The following TNS3 variants were observed in gnomAD, a reference collection of about 807,000 sequenced individuals.
The protein encoded by TNS3 is tensin-3.
Under a neutral mutation model 140.9 loss-of-function variants are expected in TNS3, and 45 were observed. That is an observed-to-expected ratio of 0.32 (90% CI 0.25 to 0.41). The LOEUF (loss-of-function observed/expected upper bound fraction) is 0.41, where lower values mean the gene tolerates loss of function less well. Among genes scored for constraint, TNS3 ranks in the 10% least tolerant of loss-of-function variants. The probability of loss-of-function intolerance (pLI) is 1.00; values close to 1 mark genes in which losing one functional copy is unlikely to be tolerated. For missense variants in TNS3, 1,716 were observed against 1,906.7 expected, an observed-to-expected ratio of 0.90 and a Z score of 1.86; for synonymous variants, 815 against 788.4, an observed-to-expected ratio of 1.03 and a Z score of -0.56.
At chr7:47,284,327 T>C (rs1388476240) in intron 27 of TNS3, among the ~76,000 whole-genome samples, 1 of 152,050 alleles carries the variant, frequency 6.6e-6, no homozygotes. Context: ...GAAGCATGTG[T>C]CCTCAAATCC....
intron 4 of TNS3, among the ~76,000 whole-genome samples, chr7:47,454,369 G>C (rs192371085): frequency 6.6e-6 from 1 of 152,134 alleles, no homozygotes; most frequent in African/African-American, 2.4e-5. Context: ...CATCAGACCC[G>C]GAGACACTAA....
At chr7:47,358,373 G>A (rs1023867065) in intron 17 of TNS3, among the ~76,000 whole-genome samples, 5 of 152,126 alleles carry the variant, frequency 3.3e-5, no homozygotes, top group South Asian at 2.1e-4. Flanking sequence ...TCCTGACCTC[G>A]TGATCCACCC....
chr7:47,325,322 C>A (rs1221918767), intron 20 of TNS3, among the ~76,000 whole-genome samples: 2 of 152,168 alleles, frequency 1.3e-5, no homozygotes, highest in Non-Finnish European at 2.9e-5. Context: ...TCTTCCACTC[C>A]ACGTTTGTAA....
At chr7:47,541,278 T>C (rs752873655) in intron 1 of TNS3, among the ~76,000 whole-genome samples, 1 of 152,130 alleles carries the variant, frequency 6.6e-6, no homozygotes, top group African/African-American at 2.4e-5. Context: ...GATATTGGTG[T>C]GACTCAGAGT....
At chr7:47,535,709 C>G (rs895266496) in intron 1 of TNS3, among the ~76,000 whole-genome samples, 1 of 152,234 alleles carries the variant, frequency 6.6e-6, no homozygotes, top group Non-Finnish European at 1.5e-5. Context: ...ATTGTGAGGT[C>G]TCTTTTGAGA....
intron 28 of TNS3, among the ~76,000 whole-genome samples, chr7:47,281,369 ACT>A (rs1785137213): frequency 6.6e-6 from 1 of 151,704 alleles, no homozygotes; most frequent in Non-Finnish European, 1.5e-5. Context: ...CCAACTCAAC[ACT>A]CTGCTGTGTC....
chr7:47,549,436 A>T (rs1367117040), intron 1 of TNS3, among the ~76,000 whole-genome samples: 1 of 152,076 alleles, frequency 6.6e-6, no homozygotes, highest in Non-Finnish European at 1.5e-5. Context: ...CGGAGGTTGC[A>T]GTGAGCTGAG....
At chr7:47,449,750 C>T (rs62446326) in intron 4 of TNS3, among the ~76,000 whole-genome samples, 9,303 of 152,190 alleles carry the variant, frequency 0.061, 349 homozygotes, top group Non-Finnish European at 0.088. Flanking sequence ...GGATTACAGG[C>T]GCCCGCCACC....
At chr7:47,540,824 G>A (rs1236492637) in intron 1 of TNS3, among the ~76,000 whole-genome samples, 1 of 152,218 alleles carries the variant, frequency 6.6e-6, no homozygotes, top group East Asian at 1.9e-4. Context: ...GACACTGAGG[G>A]TAGACAGGGC....
At chr7:47,473,346 C>A (rs1181646934) in intron 4 of TNS3, among the ~76,000 whole-genome samples, 2 of 152,144 alleles carry the variant, frequency 1.3e-5, no homozygotes, top group East Asian at 3.8e-4. Context: ...GATTAAGGAG[C>A]AAGAACATTT....
chr7:47,471,102 C>T (rs2151740261), intron 4 of TNS3, among the ~76,000 whole-genome samples: 1 of 152,270 alleles, frequency 6.6e-6, no homozygotes, highest in South Asian at 2.1e-4. Context: ...CCCAGAAACC[C>T]TTTGGAAATA....
intron 13 of TNS3, among the ~76,000 whole-genome samples, chr7:47,404,825 G>A (rs565989600): frequency 4.7e-4 from 72 of 152,068 alleles, no homozygotes; most frequent in Non-Finnish European, 7.1e-4. Flanking sequence ...TGGAGCTTGC[G>A]GTGAGCCAAG....
At chr7:47,377,702 C>T (rs1791482092) in intron 16 of TNS3, among the ~76,000 whole-genome samples, 2 of 151,870 alleles carry the variant, frequency 1.3e-5, no homozygotes, top group Non-Finnish European at 2.9e-5. Context: ...CCCTCTTCCT[C>T]TTTTTCCCCC....
chr7:47,375,698 A>G (rs1791341045), intron 16 of TNS3, among the ~76,000 whole-genome samples: 1 of 152,222 alleles, frequency 6.6e-6, no homozygotes, highest in African/African-American at 2.4e-5. Flanking sequence ...CCGGTTGAAA[A>G]CAGATTAGGC....
intron 1 of TNS3, among the ~76,000 whole-genome samples, chr7:47,535,627 G>T (rs1320102188): frequency 6.6e-6 from 1 of 152,224 alleles, no homozygotes; most frequent in African/African-American, 2.4e-5. Flanking sequence ...CAAAATGTTG[G>T]AAGGGTAGAG....
rs1784899752 is a variant in TNS3 at position 47,277,031 on chromosome 7, AT to A, written c.*1044del. 6.6e-6 allele frequency: 1 copy of A among 152,254 alleles called. No homozygotes were observed. Among genetic ancestry groups the A allele is most frequent in the African/African-American group, 2.4e-5 (1 of 41,470 alleles). The allele number at this position is 152,254 out of a possible 1,614,324, so 9.4% of individuals were successfully genotyped here. On this transcript the variant is annotated 3_prime_UTR_variant, in exon 31 of 31. Coordinates refer to ENST00000311160, the MANE Select transcript of TNS3 (RefSeq NM_022748.12). ...GACTCTCTCCATCAGAAAAGAAGTCATCCACAATCGGGGAAAAACATTCCAA... is the reference window on the plus strand; with the variant it reads ...GACTCTCTCCATCAGAAAAGAAGTCACCACAATCGGGGAAAAACATTCCAA...
chr7:47,392,129 T>G (rs1792555677), intron 16 of TNS3, among the ~76,000 whole-genome samples: 1 of 152,250 alleles, frequency 6.6e-6, no homozygotes, highest in South Asian at 2.1e-4. Context: ...CCGCGAGATA[T>G]TCTTCCCTCT....
chr7:47,391,915 G>A (rs76300702), intron 16 of TNS3, among the ~76,000 whole-genome samples: 1 of 152,112 alleles, frequency 6.6e-6, no homozygotes, highest in Non-Finnish European at 1.5e-5. Flanking sequence ...GCCCTGTCCC[G>A]CACGGTCTCG....
chr7:47,327,968 A>G (rs1391802463), intron 20 of TNS3, among the ~76,000 whole-genome samples: 2 of 152,060 alleles, frequency 1.3e-5, no homozygotes, highest in African/African-American at 2.4e-5. Context: ...ATGAGTCCCA[A>G]TGTACAGCTT....
Sources: allele counts gnomAD v4.1 joint callset (sites outside exome capture counted in the v4.1 genomes callset), GRCh38; gene constraint gnomAD v4.1.1; transcripts MANE v1.5; gene names NCBI Gene and HGNC (gene_info 2026-07-23, HGNC 2026-07-21).